PTPDC1: variants seen among roughly 807,000 people sequenced by gnomAD.
The protein encoded by PTPDC1 is protein tyrosine phosphatase domain containing 1, also known as protein tyrosine phosphatase domain-containing protein 1.
In PTPDC1, 53 loss-of-function variants were observed where a neutral mutation model predicts 75.3. That is an observed-to-expected ratio of 0.70 (90% confidence interval 0.56 to 0.88). PTPDC1 has a LOEUF of 0.88. PTPDC1 is among the 40% of genes least tolerant of loss of function. The probability of loss-of-function intolerance (pLI) is 0.00; values close to 1 mark genes in which losing one functional copy is unlikely to be tolerated. For synonymous variants in PTPDC1, 349 were observed against 366.2 expected, an observed-to-expected ratio of 0.95 and a Z score of 0.54; for missense variants, 925 against 998.6, an observed-to-expected ratio of 0.93 and a Z score of 0.99.
rs1181445328 is a variant in PTPDC1 at position 94,067,283 on chromosome 9, G to A, written c.82+2462G>A. ...CGTATGCCTGTAATCCCAGCTACTC[G>A]AGAGGCTGAGGCAGGAGAATTGCTT... On this transcript the variant is annotated intron_variant, in intron 2 of 9. Coordinates refer to the PTPDC1 transcript ENST00000375360. Among the ~76,000 whole-genome samples the A allele has an allele frequency of 4.6e-5, 7 of 151,786 alleles. No homozygotes were observed. The East Asian group carries it at 7.8e-4, about 17-fold the overall frequency.
intron 1 of PTPDC1, among the ~76,000 whole-genome samples, chr9:94,053,629 G>C (rs140027647): frequency 1.3e-5 from 2 of 152,146 alleles, no homozygotes; most frequent in Non-Finnish European, 2.9e-5. Context: ...ACTAGGGAAG[G>C]CATCCTAAAG....
chr9:94,031,209 G>T (rs1377237151), intron 1 of PTPDC1: 1 of 152,158 alleles, frequency 6.6e-6, no homozygotes, highest in Admixed American at 6.5e-5. Context: ...GATATTAAGT[G>T]ATGCGTGGTG....
At chr9:94,099,618 A>T (rs1827763715) in intron 6 of PTPDC1, among the ~76,000 whole-genome samples, 1 of 152,238 alleles carries the variant, frequency 6.6e-6, no homozygotes, top group South Asian at 2.1e-4. Flanking sequence ...TCCAATAGTT[A>T]AATGTATTGC....
chr9:94,092,191 G>A (rs1228897066), intron 4 of PTPDC1, among the ~76,000 whole-genome samples: 1 of 150,548 alleles, frequency 6.6e-6, no homozygotes, highest in Non-Finnish European at 1.5e-5. Flanking sequence ...GTCAATTTTG[G>A]ATCTTTCCTG....
At chr9:94,047,141 T>G (rs1002023050) in intron 1 of PTPDC1, among the ~76,000 whole-genome samples, 9 of 152,328 alleles carry the variant, frequency 5.9e-5, no homozygotes, top group African/African-American at 2.2e-4. Context: ...ATATGCTGGA[T>G]TACATTTATT....
intron 4 of PTPDC1, among the ~76,000 whole-genome samples, chr9:94,093,623 A>G (rs1389073134): frequency 2.5e-4 from 38 of 151,544 alleles, no homozygotes; most frequent in African/African-American, 3.6e-4. Context: ...GAATCTGAAC[A>G]TTGGCCTGCC....
chr9:94,082,808 G>A (rs1413935884), upstream of PTPDC1, among the ~76,000 whole-genome samples: 3 of 152,120 alleles, frequency 2.0e-5, no homozygotes, highest in African/African-American at 7.2e-5. Flanking sequence ...TCAACCCAGG[G>A]CTCAAGATTT....
At chr9:94,054,466 T>C (rs192661213) in intron 1 of PTPDC1, among the ~76,000 whole-genome samples, 4 of 152,336 alleles carry the variant, frequency 2.6e-5, no homozygotes, top group African/African-American at 9.6e-5. Context: ...TGCCAACTCC[T>C]CTATTAAAAT....
intron 1 of PTPDC1, among the ~76,000 whole-genome samples, chr9:94,048,170 G>A (rs1043010710): frequency 1.2e-4 from 18 of 152,044 alleles, no homozygotes; most frequent in Non-Finnish European, 2.4e-4. Context: ...TGCATTCATT[G>A]ATTTTTTGAA....
Position 94,098,557 on chromosome 9 carries a change from AAAGG to A in PTPDC1, c.1996_1999del (p.Lys666Ter), listed in dbSNP as rs1363340496. On this transcript the variant is annotated frameshift_variant, in exon 6 of 9. Transcript: ENST00000620992. LOFTEE classifies it high-confidence loss of function. ...GAATCTGTAGAAAAGGAGGAACTAAAAAGGAAGGTAGAAATGTGGCAGGTATTAT... is the reference window on the plus strand; with the variant it reads ...GAATCTGTAGAAAAGGAGGAACTAAAAAGGTAGAAATGTGGCAGGTATTAT... The A allele has an allele frequency of 6.2e-7, 1 of 1,613,748 alleles. No individual in the cohort carries two copies. Among genetic ancestry groups the A allele is most frequent in the Admixed American group, 1.7e-5 (1 of 60,024 alleles).
intron 1 of PTPDC1, chr9:94,038,103 G>A (rs1825326378): frequency 1.8e-6 from 1 of 554,714 alleles, no homozygotes; most frequent in East Asian, 3.8e-5. Context: ...GAAAAGGGAG[G>A]CAAGCATAAG....
chr9:94,032,372 A>G (rs1564004947), intron 1 of PTPDC1, among the ~76,000 whole-genome samples: 1 of 152,140 alleles, frequency 6.6e-6, no homozygotes, highest in African/African-American at 2.4e-5. Context: ...TTTTAAGAAC[A>G]ATTGTTCTAG....
At chr9:94,104,808 G>T (rs1046912382) in intron 8 of PTPDC1, among the ~76,000 whole-genome samples, 1 of 152,074 alleles carries the variant, frequency 6.6e-6, no homozygotes, top group Non-Finnish European at 1.5e-5. Flanking sequence ...CTGAGTCCTG[G>T]TTGGCAAATC....
At chr9:94,049,139 G>A (rs987401042) in intron 1 of PTPDC1, among the ~76,000 whole-genome samples, 20 of 152,090 alleles carry the variant, frequency 1.3e-4, no homozygotes, top group African/African-American at 4.8e-4. Context: ...GCACCCTGTT[G>A]GGTCTTGACT....
intron 6 of PTPDC1, 143 bp from the exon 7 acceptor site, chr9:94,101,423 G>A: frequency 1.8e-6 from 1 of 560,192 alleles, no homozygotes; most frequent in Non-Finnish European, 3.1e-6. Context: ...GAGAGGCTGG[G>A]AGGGGTCCCA....
chr9:94,046,717 G>A (rs1825609997), intron 1 of PTPDC1, among the ~76,000 whole-genome samples: 1 of 152,184 alleles, frequency 6.6e-6, no homozygotes. Flanking sequence ...CTTTGCTGAA[G>A]TTGCCTGTCA....
intron 8 of PTPDC1, among the ~76,000 whole-genome samples, chr9:94,104,651 G>A (rs953166186): frequency 6.6e-6 from 1 of 152,230 alleles, no homozygotes; most frequent in African/African-American, 2.4e-5. Context: ...AAAAGAAAGA[G>A]AGAAACAACT....
chr9:94,084,891 T>G, intron 1 of PTPDC1, 117 bp downstream of exon 1: 1 of 721,634 alleles, frequency 1.4e-6, no homozygotes, highest in Non-Finnish European at 2.3e-6. Flanking sequence ...TTATACTTTT[T>G]GCTGTCTGTT....
chr9:94,076,667 C>T (rs1450949866), intron 2 of PTPDC1, among the ~76,000 whole-genome samples: 3 of 152,026 alleles, frequency 2.0e-5, no homozygotes, highest in East Asian at 3.9e-4. Context: ...TTTGTGTGGA[C>T]ATATGTTTTC....
Sources: allele counts gnomAD v4.1 joint callset (sites outside exome capture counted in the v4.1 genomes callset), GRCh38; gene constraint gnomAD v4.1.1; transcripts MANE v1.5; gene names NCBI Gene and HGNC (gene_info 2026-07-23, HGNC 2026-07-21).